Variants in PAFAH2 observed in about 807,000 individuals in gnomAD.
The protein encoded by PAFAH2 is platelet-activating factor acetylhydrolase 2, cytoplasmic.
In PAFAH2, 42 loss-of-function variants were observed where a neutral mutation model predicts 49.0. The observed-to-expected ratio is 0.86, with a 90% CI of 0.67 to 1.11. The LOEUF (loss-of-function observed/expected upper bound fraction) is 1.11. PAFAH2 is among the 50% of genes least tolerant of loss of function. The pLI is 0.00. For missense variants in PAFAH2, 503 were observed against 501.8 expected (o/e 1.00, Z -0.02); for synonymous variants, 184 against 181.3 (o/e 1.01, Z -0.12).
chr1:25,975,411 C>T (rs2049573761), intron 8 of PAFAH2, among the ~76,000 whole-genome samples: 1 of 151,314 alleles, frequency 6.6e-6, no homozygotes, highest in Admixed American at 6.6e-5. Context: ...GACACCATCT[C>T]TTAAAAAAAA....
At chr1:25,976,616 C>G in intron 8 of PAFAH2, 66 bp downstream of exon 8, 1 of 1,204,442 alleles carries the variant, frequency 8.3e-7, no homozygotes, top group Non-Finnish European at 1.2e-6. Context: ...ACTTGTGTAA[C>G]AAATACTTTC....
chr1:25,963,147 G>C (rs1373218859), intron 10 of PAFAH2, among the ~76,000 whole-genome samples: 2 of 152,212 alleles, frequency 1.3e-5, no homozygotes, highest in Non-Finnish European at 2.9e-5. Flanking sequence ...TGGGACAGAA[G>C]GCAGGGACCA....
chr1:25,981,297 A>ATT (rs2124348526), intron 7 of PAFAH2, among the ~76,000 whole-genome samples: 1 of 122,804 alleles, frequency 8.1e-6, no homozygotes, highest in South Asian at 2.5e-4. Flanking sequence ...AAGGTTTTTC[A>ATT]TTTTTCTTCA....
At chr1:25,982,545 TAC>T (rs1420264914) in intron 6 of PAFAH2, 68 bp from the exon 7 acceptor site, 2 of 1,223,730 alleles carry the variant, frequency 1.6e-6, no homozygotes, top group Admixed American at 1.8e-5. Flanking sequence ...CTCCCTCACG[TAC>T]AGAGCCAAGG....
intron 10 of PAFAH2, among the ~76,000 whole-genome samples, chr1:25,968,730 G>A (rs2049464848): frequency 6.6e-6 from 1 of 152,056 alleles, no homozygotes; most frequent in African/African-American, 2.4e-5. Flanking sequence ...CACAGCCTTG[G>A]CCTTTTTCTT....
At chr1:25,976,923 C>G in intron 7 of PAFAH2, 150 bp from the exon 8 acceptor site, 2 of 609,198 alleles carry the variant, frequency 3.3e-6, no homozygotes. Flanking sequence ...TCAAGAATCT[C>G]TTACCTATGG....
In PAFAH2 at chr1:25,996,940, C is replaced by A. The variant is rs1419498862; in HGVS notation, c.-48+1085G>T. 2.0e-5 allele frequency among the ~76,000 whole-genome samples: 3 copies of A among 152,208 alleles called. No individual in the cohort carries two copies. The South Asian group carries it at 6.2e-4, about 31-fold the overall frequency. On this transcript the variant is annotated intron_variant, in intron 1 of 10. Coordinates refer to ENST00000374282, the MANE Select transcript of PAFAH2 (RefSeq NM_000437.4). ...ATTAAGCCCTTTGGCAAAACAGATT[C>A]TTTCCCAGCAGCCTTTTCAGGCCTC...
At chr1:25,970,139 C>T (rs2049485612) in intron 10 of PAFAH2, among the ~76,000 whole-genome samples, 1 of 152,172 alleles carries the variant, frequency 6.6e-6, no homozygotes, top group African/African-American at 2.4e-5. Flanking sequence ...AATGTGAATG[C>T]ACTCAGGTCA....
intron 7 of PAFAH2, among the ~76,000 whole-genome samples, chr1:25,978,571 G>A (rs1419884307): frequency 6.6e-6 from 1 of 152,200 alleles, no homozygotes; most frequent in East Asian, 1.9e-4. Flanking sequence ...ATAAGGACTT[G>A]TGATTGTTCT....
intron 1 of PAFAH2, 85 bp from the exon 2 acceptor site, chr1:25,990,948 C>T (rs2124368193): frequency 1.5e-6 from 1 of 661,180 alleles, no homozygotes; most frequent in East Asian, 2.8e-5. Flanking sequence ...GTTACCCTGT[C>T]CACCCCTCCT....
chr1:25,991,521 A>G lies in PAFAH2; in HGVS notation c.-47-658T>C, dbSNP rs563476282. 1.4e-3 allele frequency among the ~76,000 whole-genome samples: 212 copies of G among 146,798 alleles called. 1 individual carries two copies. The highest frequency in any genetic ancestry group is 4.1e-3 in the African/African-American group (165 of 40,148). ...ATGGTCTTGATCTCCTGACCTCGTG[A>G]TCTACCCACTTTGGCCTCCCAAAGT... On this transcript the variant is annotated intron_variant, in intron 1 of 10. Coordinates refer to ENST00000374282, the MANE Select transcript of PAFAH2 (RefSeq NM_000437.4).
Position 25,990,722 on chromosome 1 carries a change from C to G in PAFAH2, c.90+5G>C. ...AACAGAAGAAAGGGAGCTGGGGACA[C>G]TTACCTGGAGATTCTGACCCTCCAT... On this transcript the variant is annotated splice_donor_5th_base_variant and intron_variant, in intron 2 of 10. Transcript: ENST00000374282. 7 of 1,612,208 alleles carry G rather than the reference C, an allele frequency of 4.3e-6. No individual in the cohort carries two copies. Among genetic ancestry groups the G allele is most frequent in the Non-Finnish European group, 5.9e-6 (7 of 1,178,454 alleles).
At position 25,984,447 on chromosome 1, in the gene PAFAH2, G is replaced by A; in HGVS notation, c.410+13C>T. 11 of 1,608,040 alleles carry A rather than the reference G, an allele frequency of 6.8e-6. No homozygotes were observed. The highest frequency in any genetic ancestry group is 9.4e-6 in the Non-Finnish European group (11 of 1,175,084). ...CACTGCAGGCACCCAATCCATGGCG[G>A]CTCATCCCTCACCTGTGCTCTGGCA... is the stretch of plus-strand genomic sequence containing the variant. On this transcript the variant is annotated intron_variant, in intron 5 of 10. Transcript: ENST00000374282.
chr1:25,985,005 C>T (rs779646968), intron 4 of PAFAH2, among the ~76,000 whole-genome samples: 5 of 152,014 alleles, frequency 3.3e-5, no homozygotes, highest in Non-Finnish European at 5.9e-5. Flanking sequence ...CAGGCGTGCA[C>T]CACCATGCCC....
chr1:25,968,551 T>C (rs961770129), intron 10 of PAFAH2, among the ~76,000 whole-genome samples: 2 of 152,072 alleles, frequency 1.3e-5, no homozygotes, highest in African/African-American at 4.8e-5. Context: ...CCAGTCTTCA[T>C]AGAAGATCAT....
intron 10 of PAFAH2, 90 bp from the exon 11 acceptor site, chr1:25,962,173 G>C (rs1414257464): frequency 1.9e-6 from 2 of 1,031,624 alleles, no homozygotes; most frequent in Non-Finnish European, 2.9e-6. Flanking sequence ...TCATCCTAGA[G>C]AGAGGAGCGC....
intron 4 of PAFAH2, among the ~76,000 whole-genome samples, chr1:25,984,845 C>CTTTTTTTT (rs34522205): frequency 3.8e-5 from 4 of 104,280 alleles, no homozygotes; most frequent in Non-Finnish European, 5.5e-5. Flanking sequence ...AGAGAGATTT[C>CTTTTTTTT]TTTTTTTTTT....
At chr1:25,986,922 G>T (rs1290979427) in intron 4 of PAFAH2, among the ~76,000 whole-genome samples, 1 of 152,040 alleles carries the variant, frequency 6.6e-6, no homozygotes, top group East Asian at 1.9e-4. Context: ...TTTGAGTGCT[G>T]GAATGACAAG....
chr1:25,991,113 T>C (rs1251438012), intron 1 of PAFAH2, among the ~76,000 whole-genome samples: 1 of 152,212 alleles, frequency 6.6e-6, no homozygotes, highest in Non-Finnish European at 1.5e-5. Context: ...TACAGCCCAT[T>C]AACGTATGTT....
Sources: gnomAD v4.1 joint callset for allele counts (sites outside exome capture counted in the v4.1 genomes callset) on GRCh38, gnomAD v4.1.1 for gene constraint, MANE v1.5 for transcripts, NCBI Gene and HGNC (gene_info 2026-07-23, HGNC 2026-07-21) for gene names.